The following RAB38 variants were observed in gnomAD, a reference collection of about 807,000 sequenced individuals.
The protein encoded by RAB38 is RAB38, member RAS oncogene family, also known as ras-related protein Rab-38.
Under a neutral mutation model 18.4 loss-of-function variants are expected in RAB38, and 15 were observed. That is an observed-to-expected ratio of 0.82 (90% CI 0.55 to 1.26). RAB38 has a LOEUF of 1.26. Among genes scored for constraint, RAB38 ranks in the 50% most tolerant of loss-of-function variants. RAB38 has a pLI of 0.00. For synonymous variants in RAB38, 101 were observed against 104.4 expected (o/e 0.97, Z 0.20); for missense variants, 294 against 267.4 (o/e 1.10, Z -0.69).
the RAB38 span, among the ~76,000 whole-genome samples, chr11:87,839,612 A>G: frequency 2.6e-5 from 4 of 152,202 alleles, no homozygotes; most frequent in African/African-American, 9.6e-5. Flanking sequence ...CAAAGAAAAA[A>G]CCATCTATAT....
At chr11:88,096,998 T>C in the RAB38 span, among the ~76,000 whole-genome samples, 3 of 151,910 alleles carry the variant, frequency 2.0e-5, no homozygotes, top group East Asian at 5.8e-4. Flanking sequence ...CTTCTACCTG[T>C]GAACATTTTT....
the RAB38 span, among the ~76,000 whole-genome samples, chr11:88,071,129 T>G: frequency 6.6e-6 from 1 of 151,904 alleles, no homozygotes; most frequent in Non-Finnish European, 1.5e-5. Flanking sequence ...CACTACTAGG[T>G]GGTGCAAGCA....
intron 2 of RAB38, among the ~76,000 whole-genome samples, chr11:88,132,951 A>G (rs1942783845): frequency 6.6e-6 from 1 of 152,228 alleles, no homozygotes. Flanking sequence ...TTTTTAGTTG[A>G]CCGTAAGTAC....
At chr11:88,079,787 G>GA in the RAB38 span, among the ~76,000 whole-genome samples, 4 of 149,760 alleles carry the variant, frequency 2.7e-5, no homozygotes, top group Admixed American at 6.7e-5. Context: ...TCATAAAAAA[G>GA]AAAAAAAATA....
the RAB38 span, among the ~76,000 whole-genome samples, chr11:87,843,081 C>T: frequency 6.6e-6 from 1 of 152,162 alleles, no homozygotes; most frequent in Non-Finnish European, 1.5e-5. Flanking sequence ...CTCCCAGACT[C>T]ATTCTTTAGA....
chr11:88,173,927 T>A (rs558624895), intron 1 of RAB38: 1 of 985,432 alleles, frequency 1.0e-6, no homozygotes, highest in South Asian at 4.7e-5. Context: ...TTTCCACATT[T>A]GTTCTAGTTT....
intron 1 of RAB38, among the ~76,000 whole-genome samples, chr11:88,157,528 A>T (rs1277833460): frequency 6.6e-6 from 1 of 152,180 alleles, no homozygotes; most frequent in Non-Finnish European, 1.5e-5. Context: ...CTACCCATCA[A>T]CCACAGAATA....
chr11:88,034,336 G>A, the RAB38 span, among the ~76,000 whole-genome samples: 9 of 152,210 alleles, frequency 5.9e-5, no homozygotes, highest in Non-Finnish European at 1.2e-4. Flanking sequence ...GTTTTTGTGT[G>A]AGCATAAGCT....
chr11:88,003,607 T>A, the RAB38 span, among the ~76,000 whole-genome samples: 18 of 2,312 alleles, frequency 7.8e-3, 8 homozygotes, highest in Admixed American at 0.037. Flanking sequence ...TATTATATAT[T>A]ATATAATAGA....
chr11:87,944,875 A>G, the RAB38 span, among the ~76,000 whole-genome samples: 1 of 152,142 alleles, frequency 6.6e-6, no homozygotes, highest in East Asian at 1.9e-4. Flanking sequence ...AAGGAAGGGC[A>G]TTGGAGCAGA....
the RAB38 span, among the ~76,000 whole-genome samples, chr11:87,920,360 TA>T: frequency 3.3e-5 from 5 of 151,952 alleles, no homozygotes; most frequent in African/African-American, 1.2e-4. Context: ...TGCTCAAGAT[TA>T]AAAAAAATTC....
the RAB38 span, among the ~76,000 whole-genome samples, chr11:88,034,206 T>A: frequency 6.6e-6 from 1 of 152,244 alleles, no homozygotes; most frequent in African/African-American, 2.4e-5. Context: ...TTTTAATTGC[T>A]GAGTAATATT....
the RAB38 span, among the ~76,000 whole-genome samples, chr11:88,063,853 T>C: frequency 6.6e-6 from 1 of 152,188 alleles, no homozygotes; most frequent in South Asian, 2.1e-4. Flanking sequence ...TGTGAGTCAA[T>C]TAAACCTCTT....
the RAB38 span, among the ~76,000 whole-genome samples, chr11:88,030,075 T>A: frequency 6.6e-6 from 1 of 152,108 alleles, no homozygotes; most frequent in African/African-American, 2.4e-5. Flanking sequence ...ATTAAGAATC[T>A]CACTCAAAAC....
At chr11:87,873,934 A>G in the RAB38 span, among the ~76,000 whole-genome samples, 4 of 141,906 alleles carry the variant, frequency 2.8e-5, no homozygotes, top group African/African-American at 1.0e-4. Context: ...ATATATATAT[A>G]TATATATATA....
the RAB38 span, among the ~76,000 whole-genome samples, chr11:87,953,910 T>C: frequency 5.8e-3 from 879 of 152,242 alleles, 5 homozygotes; most frequent in Non-Finnish European, 0.011. Flanking sequence ...GTTAGCTATT[T>C]GTATTTATTT....
At chr11:88,073,989 G>GA in the RAB38 span, among the ~76,000 whole-genome samples, 45 of 139,140 alleles carry the variant, frequency 3.2e-4, no homozygotes, top group Non-Finnish European at 4.7e-4. Flanking sequence ...AGTCAAAGGA[G>GA]AAAAAAAAAC....
At chr11:88,003,932 T>C in the RAB38 span, among the ~76,000 whole-genome samples, 1 of 115,222 alleles carries the variant, frequency 8.7e-6, no homozygotes, top group Non-Finnish European at 1.7e-5. Flanking sequence ...ATAAAATATA[T>C]ATACTTATAT....
At chr11:88,011,488 G>C in the RAB38 span, among the ~76,000 whole-genome samples, 1 of 152,138 alleles carries the variant, frequency 6.6e-6, no homozygotes, top group Non-Finnish European at 1.5e-5. Context: ...AAATGTTGTA[G>C]TCCAAACTCA....
Sources: gnomAD v4.1 joint callset for allele counts (sites outside exome capture counted in the v4.1 genomes callset) on GRCh38, gnomAD v4.1.1 for gene constraint, MANE v1.5 for transcripts, NCBI Gene and HGNC (gene_info 2026-07-23, HGNC 2026-07-21) for gene names.